FDX1: variants seen among roughly 807,000 people sequenced by gnomAD.
FDX1 encodes adrenodoxin, mitochondrial.
A neutral mutation model predicts 14.9 loss-of-function variants in FDX1; 9 were observed. The observed-to-expected ratio is 0.60, with a 90% CI of 0.36 to 1.05. FDX1 has a LOEUF of 1.05. FDX1 is among the 50% of genes least tolerant of loss of function. The probability of loss-of-function intolerance (pLI) is 0.01; values close to 1 mark genes in which losing one functional copy is unlikely to be tolerated. For missense variants in FDX1, 204 were observed against 237.2 expected, an observed-to-expected ratio of 0.86 and a Z score of 0.92; for synonymous variants, 92 against 99.4, an observed-to-expected ratio of 0.93 and a Z score of 0.44.
At chr11:110,450,380 A>G (rs746797810) in intron 2 of FDX1, among the ~76,000 whole-genome samples, 54 of 152,054 alleles carry the variant, frequency 3.6e-4, no homozygotes, top group Non-Finnish European at 6.0e-4. Context: ...CACAGTTCAC[A>G]GTAGGGTTCT....
chr11:110,454,763 T>C (rs905104150), intron 2 of FDX1, among the ~76,000 whole-genome samples: 2 of 152,162 alleles, frequency 1.3e-5, no homozygotes, highest in African/African-American at 4.8e-5. Context: ...TTCTTGGAAC[T>C]ACTATGTGAG....
At chr11:110,457,376 A>G (rs1192508759) in intron 3 of FDX1, among the ~76,000 whole-genome samples, 1 of 151,762 alleles carries the variant, frequency 6.6e-6, no homozygotes, top group Non-Finnish European at 1.5e-5. Flanking sequence ...TTTATATTTG[A>G]TAATTGAACA....
intron 2 of FDX1, among the ~76,000 whole-genome samples, chr11:110,443,438 C>CTTT (rs1204500783): frequency 5.3e-5 from 7 of 132,450 alleles, no homozygotes; most frequent in East Asian, 2.1e-4. Flanking sequence ...TAATAATATC[C>CTTT]TTTTTTTTTT....
chr11:110,449,009 A>G (rs1452654858), intron 2 of FDX1, among the ~76,000 whole-genome samples: 2 of 152,228 alleles, frequency 1.3e-5, no homozygotes, highest in African/African-American at 4.8e-5. Flanking sequence ...TGGTGATGAT[A>G]TTTTAAACTG....
At chr11:110,450,181 CTAT>C (rs1193412042) in intron 2 of FDX1, among the ~76,000 whole-genome samples, 1 of 152,078 alleles carries the variant, frequency 6.6e-6, no homozygotes, top group Non-Finnish European at 1.5e-5. Flanking sequence ...CACTTTATTT[CTAT>C]TATTATTACA....
At chr11:110,432,377 A>G (rs1178837485) in intron 1 of FDX1, among the ~76,000 whole-genome samples, 1 of 152,192 alleles carries the variant, frequency 6.6e-6, no homozygotes, top group Non-Finnish European at 1.5e-5. Context: ...CTAGAACTCA[A>G]GAAGTTTTTG....
At chr11:110,438,422 T>A (rs902567062) in intron 2 of FDX1, among the ~76,000 whole-genome samples, 48 of 152,098 alleles carry the variant, frequency 3.2e-4, no homozygotes, top group African/African-American at 1.2e-3. Context: ...GTCTTCTTTT[T>A]TAAATATTTA....
chr11:110,438,915 G>GT (rs544054803), intron 2 of FDX1, among the ~76,000 whole-genome samples: 1 of 151,528 alleles, frequency 6.6e-6, no homozygotes, highest in Non-Finnish European at 1.5e-5. Flanking sequence ...TTTTTTGTTT[G>GT]TTTTTTGAGA....
rs137990494 is a variant in FDX1, at chr11:110,446,215, T to G, written c.310+10257T>G. Among the ~76,000 whole-genome samples, 75 of 152,304 alleles carry G rather than the reference T, an allele frequency of 4.9e-4. 1 individual carries two copies. In the East Asian group the frequency reaches 7.5e-3, roughly 15 times the overall value. ...AGAAATGAAATCAGGAAGGGTGCAA[T>G]GTTATCATTATAAAGAAGAGCTTAT... On this transcript the variant is annotated intron_variant, in intron 2 of 3. Coordinates refer to ENST00000260270, the MANE Select transcript of FDX1 (RefSeq NM_004109.5).
chr11:110,445,667 C>T (rs1245999224), intron 2 of FDX1, among the ~76,000 whole-genome samples: 1 of 152,128 alleles, frequency 6.6e-6, no homozygotes, highest in Admixed American at 6.6e-5. Flanking sequence ...AATGTCCTGC[C>T]TGGGCTTCTT....
rs1379931082 is a variant in FDX1, at chr11:110,434,342, T to TGC, written c.186-1492_186-1491insGC. Reference sequence around the variant, plus strand: ...AAGCAATCGCCCTATTGATTTTTTTTTTTTTTTTTTTGGAGACAGAGTTTC... The same window carrying TGC: ...AAGCAATCGCCCTATTGATTTTTTTTGCTTTTTTTTTTTGGAGACAGAGTTTC... On this transcript the variant is annotated intron_variant, in intron 1 of 3. Transcript: ENST00000260270. Among the ~76,000 whole-genome samples, 20 of 150,380 alleles carry TGC rather than the reference T, an allele frequency of 1.3e-4. No individual in the cohort carries two copies. The East Asian group carries it at 1.4e-3, about 10-fold the overall frequency.
At chr11:110,446,445 C>T (rs1405347288) in intron 2 of FDX1, among the ~76,000 whole-genome samples, 2 of 152,176 alleles carry the variant, frequency 1.3e-5, no homozygotes, top group Non-Finnish European at 2.9e-5. Context: ...TATTGATAAA[C>T]TCTTAAATTT....
Position 110,436,079 on chromosome 11 carries a change from C to G in FDX1, c.310+121C>G, listed in dbSNP as rs547010438. On this transcript the variant is annotated intron_variant, in intron 2 of 3. Coordinates refer to ENST00000260270, the MANE Select transcript of FDX1 (RefSeq NM_004109.5). ...GCATGCTATGTAAAATATTAACATTCAGGATGTGTTAGTGTTATATTCTTG... is the reference window on the plus strand; with the variant it reads ...GCATGCTATGTAAAATATTAACATTGAGGATGTGTTAGTGTTATATTCTTG... 5 of 795,064 alleles carry G rather than the reference C, an allele frequency of 6.3e-6. 1 individual carries two copies. The Middle Eastern group carries it at 7.1e-4, about 114-fold the overall frequency. The allele number at this position is 795,064 out of a possible 1,614,324, so 49.3% of individuals were successfully genotyped here.
chr11:110,444,696 ATATATATACG>A lies in FDX1; in HGVS notation c.310+8747_310+8756del, dbSNP rs1565381914. On this transcript the variant is annotated intron_variant, in intron 2 of 3. Coordinates refer to ENST00000260270, the MANE Select transcript of FDX1 (RefSeq NM_004109.5). ...TATATATATATATACACGTATATAT[ATATATATACG>A]TATATATATATATATACGTATATAT... 3.8e-4 allele frequency among the ~76,000 whole-genome samples: 33 copies of A among 86,900 alleles called. 3 individuals are homozygous for A. The highest frequency in any genetic ancestry group is 1.7e-3 in the African/African-American group (27 of 15,548). The allele number at this position is 86,900 out of a possible 152,430, so 57.0% of individuals were successfully genotyped here. A position where few individuals can be genotyped will look rare whatever the true frequency, so the allele number is the denominator to read the frequency against.
chr11:110,449,715 C>T (rs1317848131), intron 2 of FDX1, among the ~76,000 whole-genome samples: 3 of 152,144 alleles, frequency 2.0e-5, no homozygotes, highest in Admixed American at 6.5e-5. Flanking sequence ...GCAGCCTCCA[C>T]CTCCTGGGTT....
intron 1 of FDX1, among the ~76,000 whole-genome samples, chr11:110,432,137 CTG>C (rs1946335965): frequency 6.6e-6 from 1 of 152,128 alleles, no homozygotes; most frequent in East Asian, 1.9e-4. Context: ...GTTCTAGAAA[CTG>C]TAGTTCTGTC....
intron 2 of FDX1, among the ~76,000 whole-genome samples, chr11:110,450,084 A>G (rs1239903617): frequency 3.3e-5 from 5 of 152,130 alleles, no homozygotes; most frequent in Admixed American, 3.3e-4. Flanking sequence ...GGCACTAGGG[A>G]CTGGTTTTGT....
At chr11:110,444,073 C>T (rs1210545014) in intron 2 of FDX1, among the ~76,000 whole-genome samples, 1 of 151,830 alleles carries the variant, frequency 6.6e-6, no homozygotes, top group East Asian at 1.9e-4. Context: ...TAATTAGATC[C>T]CACTTACCAA....
At chr11:110,460,704 A>G (rs1946551260) in intron 3 of FDX1, among the ~76,000 whole-genome samples, 1 of 152,204 alleles carries the variant, frequency 6.6e-6, no homozygotes, top group African/African-American at 2.4e-5. Flanking sequence ...GGCATTAGCA[A>G]CCAATCCTCA....
Sources: allele counts gnomAD v4.1 joint callset (sites outside exome capture counted in the v4.1 genomes callset), GRCh38; gene constraint gnomAD v4.1.1; transcripts MANE v1.5; gene names NCBI Gene and HGNC (gene_info 2026-07-23, HGNC 2026-07-21).